IL16: variants seen among roughly 807,000 people sequenced by gnomAD.
IL16 encodes interleukin 16.
In IL16, 67 loss-of-function variants were observed where a neutral mutation model predicts 110.1. The observed-to-expected ratio is 0.61, with a 90% confidence interval of 0.50 to 0.75. The LOEUF is 0.75. IL16 is among the 30% of genes least tolerant of loss of function. The pLI, the probability that IL16 is intolerant of heterozygous loss-of-function variation, is 0.00. For synonymous variants in IL16, 689 were observed against 662.9 expected, an observed-to-expected ratio of 1.04 and a Z score of -0.61; for missense variants, 1,545 against 1,655.0, an observed-to-expected ratio of 0.93 and a Z score of 1.15.
chr15:81,263,537 C>A (rs756458596), intron 3 of IL16, among the ~76,000 whole-genome samples: 1 of 152,078 alleles, frequency 6.6e-6, no homozygotes, highest in Non-Finnish European at 1.5e-5. Flanking sequence ...GCACAGAAAT[C>A]GACCCCAGAC....
At position 81,185,867 on chromosome 15, in the gene IL16, G is replaced by A. The variant is rs183752604; in HGVS notation, c.40+2971G>A. On this transcript the variant is annotated intron_variant, in intron 1 of 18. Transcript: ENST00000302987. ...AGATGGAGAAGCAAATGGGCGAATT[G>A]TAGAATAGGGATGGGAAAAGAAAGT... 1.2e-4 allele frequency among the ~76,000 whole-genome samples: 18 copies of A among 152,320 alleles called. No homozygotes were observed. The South Asian group carries it at 1.7e-3, about 14-fold the overall frequency.
intron 2 of IL16, among the ~76,000 whole-genome samples, chr15:81,233,230 C>T (rs935945945): frequency 1.3e-5 from 2 of 152,024 alleles, no homozygotes; most frequent in South Asian, 4.2e-4. Flanking sequence ...ATAGAAAGAT[C>T]CTGTGTACCT....
intron 1 of IL16, among the ~76,000 whole-genome samples, chr15:81,201,377 A>G (rs1258649327): frequency 6.6e-6 from 1 of 152,152 alleles, no homozygotes; most frequent in Non-Finnish European, 1.5e-5. Flanking sequence ...CAAAGACTCC[A>G]TAATGCTCTA....
chr15:81,232,067 C>CTTTT (rs1188437602), intron 2 of IL16, among the ~76,000 whole-genome samples: 2 of 54,326 alleles, frequency 3.7e-5, no homozygotes, highest in Admixed American at 2.1e-4. Flanking sequence ...TTTTTTTTTT[C>CTTTT]TTTTTTTTTT....
At chr15:81,240,940 C>T (rs1295635132) in intron 2 of IL16, among the ~76,000 whole-genome samples, 1 of 151,742 alleles carries the variant, frequency 6.6e-6, no homozygotes, top group Non-Finnish European at 1.5e-5. Context: ...TAGAGTTTTG[C>T]CTTTTGTGTT....
intron 1 of IL16, among the ~76,000 whole-genome samples, chr15:81,222,718 G>C (rs928615345): frequency 1.1e-4 from 16 of 149,992 alleles, no homozygotes; most frequent in African/African-American, 4.0e-4. Flanking sequence ...ATGGACCAGT[G>C]TTAGCTGTGA....
intron 1 of IL16, among the ~76,000 whole-genome samples, chr15:81,213,083 T>C (rs992529459): frequency 6.6e-5 from 10 of 152,338 alleles, no homozygotes; most frequent in African/African-American, 2.4e-4. Context: ...GTAAGTTGTA[T>C]CCCTATTTTC....
At position 81,285,924 on chromosome 15, in the gene IL16, C is replaced by G. The variant is rs533360824; in HGVS notation, c.1332+94C>G. Reference sequence around the variant, plus strand: ...TAGATGAAAACAGAGATGTTGCTGGCTGGGTTTGTACCTGAATTCCCAAGA... The same window carrying G: ...TAGATGAAAACAGAGATGTTGCTGGGTGGGTTTGTACCTGAATTCCCAAGA... On this transcript the variant is annotated intron_variant, in intron 10 of 18. Coordinates refer to ENST00000683961, the MANE Select transcript of IL16 (RefSeq NM_172217.5). 62 of 1,382,956 alleles carry G rather than the reference C, an allele frequency of 4.5e-5. No homozygotes were observed. The South Asian group carries it at 7.3e-4, about 16-fold the overall frequency. The allele number at this position is 1,382,956 out of a possible 1,614,324, so 85.7% of individuals were successfully genotyped here. A position where few individuals can be genotyped will look rare whatever the true frequency, so the allele number is the denominator to read the frequency against.
At chr15:81,215,437 G>T (rs1474520843) in intron 1 of IL16, among the ~76,000 whole-genome samples, 1 of 152,178 alleles carries the variant, frequency 6.6e-6, no homozygotes, top group African/African-American at 2.4e-5. Flanking sequence ...AGATGGTGTG[G>T]AAGAGTGATG....
rs1899814489 is a variant in IL16, at chr15:81,293,027, C to A, written c.1892C>A (p.Thr631Asn). Residue 631 changes from threonine (T) to asparagine (N), a missense_variant, in exon 12 of 19, where the codon ACC becomes AAC. Around this residue, in one of 3 missense-constraint regions of IL16, gnomAD observed 1,185 missense variants for 1,238.8 expected, o/e 0.96. Transcript: ENST00000683961. ...SSCSSGHTPP[T>N]CGQEARELLP... ...TGCTCTTCTGGGCACACCCCACCCA[C>A]CTGTGGCCAGGTAAGAGGATGGGTC... is the stretch of plus-strand genomic sequence containing the variant. 3.7e-6 allele frequency: 6 copies of A among 1,605,674 alleles called. No individual in the cohort carries two copies. The East Asian group carries it at 1.3e-4, about 36-fold the overall frequency.
At chr15:81,268,338 G>A (rs116346226) in intron 4 of IL16, among the ~76,000 whole-genome samples, 5,008 of 101,184 alleles carry the variant, frequency 0.049, 262 homozygotes, top group African/African-American at 0.21. Flanking sequence ...TTTACAAACA[G>A]CTATACAGCC....
chr15:81,223,431 T>A (rs1351662771), intron 1 of IL16, among the ~76,000 whole-genome samples: 3 of 152,188 alleles, frequency 2.0e-5, no homozygotes, highest in African/African-American at 4.8e-5. Flanking sequence ...AGGAAGAGAC[T>A]GAGGCTAAAG....
In IL16 at chr15:81,308,728, G is replaced by T. The variant is rs892713935; in HGVS notation, c.3929G>T (p.Gly1310Val). Reference sequence around the variant, plus strand: ...AACATCATCAAGGCACTGCCTGATGGACCTGTCACGATTGTCATCAGGAGA... The same window carrying T: ...AACATCATCAAGGCACTGCCTGATGTACCTGTCACGATTGTCATCAGGAGA... ...AWNIIKALPDGPVTIVIRRKS... is the reference protein window; with the variant it reads ...AWNIIKALPDVPVTIVIRRKS... Residue 1310 changes from glycine to valine, a missense_variant, in exon 19 of 19, where the codon GGA (glycine) becomes GTA (valine). Coordinates refer to ENST00000683961, the MANE Select transcript of IL16 (RefSeq NM_172217.5). The T allele has an allele frequency of 1.2e-6, 2 of 1,614,102 alleles. No individual in the cohort carries two copies. The highest frequency in any genetic ancestry group is 2.7e-5 in the African/African-American group (2 of 75,052).
chr15:81,266,227 G>A (rs1387057276), intron 4 of IL16, among the ~76,000 whole-genome samples: 1 of 152,202 alleles, frequency 6.6e-6, no homozygotes, highest in Non-Finnish European at 1.5e-5. Flanking sequence ...GGGACTTCAA[G>A]TCTGATCTTT....
chr15:81,299,900 A>G lies in IL16; in HGVS notation c.2574A>G (p.Gly858=), dbSNP rs200584140. The stretch of plus-strand genomic sequence containing the variant: ...GCTCCTCTCAACTGCCTGACAAAGG[A>G]GCCCAGAGACTGAGCCTCCAGCCCT... ...TFGSSQLPDK[G]AQRLSLQPSS... is the part of the protein sequence containing the mutation. Residue 858 remains glycine, a synonymous_variant, in exon 14 of 19, where the codon GGA becomes GGG. Coordinates refer to ENST00000683961, the MANE Select transcript of IL16 (RefSeq NM_172217.5). 1 of 1,613,568 alleles carries G rather than the reference A, an allele frequency of 6.2e-7. No individual in the cohort carries two copies. Among genetic ancestry groups the G allele is most frequent in the East Asian group, 2.2e-5 (1 of 44,872 alleles).
intron 4 of IL16, among the ~76,000 whole-genome samples, chr15:81,266,937 C>T (rs1898408338): frequency 6.6e-6 from 1 of 152,184 alleles, no homozygotes; most frequent in East Asian, 1.9e-4. Context: ...CCTTCCTTTC[C>T]TTGAGTCAAT....
intron 9 of IL16, among the ~76,000 whole-genome samples, chr15:81,284,001 T>C (rs1333191807): frequency 8.6e-5 from 9 of 104,604 alleles, no homozygotes; most frequent in Non-Finnish European, 1.6e-4. Flanking sequence ...AGACCCTGTC[T>C]CAGAAAAAAA....
intron 16 of IL16, among the ~76,000 whole-genome samples, chr15:81,304,303 G>A (rs980744973): frequency 3.9e-5 from 6 of 152,168 alleles, no homozygotes; most frequent in African/African-American, 1.4e-4. Context: ...AAAGATTCCT[G>A]ACCGTGTAGT....
chr15:81,272,588 A>G (rs1898689770), intron 5 of IL16, among the ~76,000 whole-genome samples: 1 of 152,230 alleles, frequency 6.6e-6, no homozygotes, highest in Non-Finnish European at 1.5e-5. Context: ...AAGGGGATTG[A>G]GAAGGCCTTT....
Sources: gnomAD v4.1 joint callset for allele counts (sites outside exome capture counted in the v4.1 genomes callset) on GRCh38, gnomAD v4.1.1 for gene constraint, gnomAD v4.1.1 regional missense constraint, MANE v1.5 for transcripts, NCBI Gene and HGNC (gene_info 2026-07-23, HGNC 2026-07-21) for gene names.